Variants in MID1 observed in about 807,000 individuals in gnomAD.
The protein encoded by MID1 is E3 ubiquitin-protein ligase Midline-1.
A neutral mutation model predicts 40.4 loss-of-function variants in MID1; 7 were observed. The ratio of observed to expected loss-of-function variants is 0.17; its 90% CI spans 0.10 to 0.33. The LOEUF is 0.33. Among genes scored for constraint, MID1 ranks in the 10% least tolerant of loss-of-function variants. The pLI is 1.00. For missense variants in MID1, 367 were observed against 558.5 expected, an observed-to-expected ratio of 0.66 and a Z score of 3.46; for synonymous variants, 229 against 221.2, an observed-to-expected ratio of 1.04 and a Z score of -0.31.
intron 1 of MID1, among the ~76,000 whole-genome samples, chrX:10,782,950 T>C (rs1201345488): frequency 9.0e-6 from 1 of 111,565 alleles, no homozygotes; most frequent in African/African-American, 3.3e-5. Flanking sequence ...TGCCAGCACT[T>C]GGTGTTTTAA....
At chrX:10,487,944 A>G (rs974934906) in intron 4 of MID1, among the ~76,000 whole-genome samples, 1 of 106,137 alleles carries the variant, frequency 9.4e-6, no homozygotes. Context: ...GTTTGGGGCT[A>G]TTACAAGTAA....
chrX:10,729,635 C>T (rs1216663270), intron 1 of MID1, among the ~76,000 whole-genome samples: 1 of 112,084 alleles, frequency 8.9e-6, no homozygotes, highest in East Asian at 2.8e-4. Context: ...AACCACTCAA[C>T]TGGTCATTTT....
intron 1 of MID1, among the ~76,000 whole-genome samples, chrX:10,659,305 A>G (rs766343092): frequency 8.0e-5 from 9 of 111,806 alleles, no homozygotes; most frequent in African/African-American, 1.6e-4. Context: ...TCAGGTGCAC[A>G]GATTCAGAGT....
intron 1 of MID1, among the ~76,000 whole-genome samples, chrX:10,613,845 A>G (rs545347804): frequency 9.5e-6 from 1 of 104,862 alleles, no homozygotes; most frequent in South Asian, 4.4e-4. Context: ...CCATATACAT[A>G]TAGTTCAGTA....
intron 3 of MID1, among the ~76,000 whole-genome samples, chrX:10,521,857 T>G (rs1314603803): frequency 8.9e-6 from 1 of 112,354 alleles, no homozygotes; most frequent in African/African-American, 3.2e-5. Flanking sequence ...TTTTCTTTTT[T>G]GAGACAAGGT....
At chrX:10,748,176 G>C (rs2043573039) in intron 1 of MID1, among the ~76,000 whole-genome samples, 1 of 110,679 alleles carries the variant, frequency 9.0e-6, no homozygotes, top group African/African-American at 3.3e-5. Flanking sequence ...ATTGTCCCTG[G>C]GGCCTCCCTC....
At chrX:10,746,235 C>T (rs142206481) in intron 1 of MID1, among the ~76,000 whole-genome samples, 308 of 111,670 alleles carry the variant, frequency 2.8e-3, no homozygotes, top group African/African-American at 9.4e-3. Context: ...GATGTATTGA[C>T]GTAGCAGCCT....
intron 1 of MID1, among the ~76,000 whole-genome samples, chrX:10,667,012 G>A (rs2042955150): frequency 9.0e-6 from 1 of 111,686 alleles, no homozygotes; most frequent in South Asian, 3.8e-4. Flanking sequence ...CACAGGTTTG[G>A]AATGGTTTAC....
At chrX:10,464,402 AT>A (rs1228359205) in intron 7 of MID1, among the ~76,000 whole-genome samples, 4 of 111,456 alleles carry the variant, frequency 3.6e-5, no homozygotes, top group Middle Eastern at 4.7e-3. Context: ...TCTTCCTTTC[AT>A]TTTGGGGATG....
rs775027171 is a variant in MID1 at position 10,797,246 on chromosome X, T to A, written c.-187+36308A>T. Among the ~76,000 whole-genome samples the A allele has an allele frequency of 5.4e-5, 6 of 111,654 alleles. No homozygotes were observed. In the South Asian group the frequency reaches 2.3e-3, roughly 42 times the overall value. ...TCAAAAGCTAATTATTTAAAAAGTA[T>A]GGGGATAAAAGTCATATTTAGAGCG... On this transcript the variant is annotated intron_variant, in intron 1 of 10. Coordinates refer to the MID1 transcript ENST00000380785.
At chrX:10,714,343 C>T (rs750445422) in intron 1 of MID1, among the ~76,000 whole-genome samples, 6 of 112,206 alleles carry the variant, frequency 5.3e-5, no homozygotes, top group African/African-American at 9.7e-5. Context: ...CAGCTTAGAG[C>T]GAAGCCTGGG....
At chrX:10,657,211 A>C (rs1261376417) in intron 1 of MID1, among the ~76,000 whole-genome samples, 1 of 111,116 alleles carries the variant, frequency 9.0e-6, no homozygotes, top group Non-Finnish European at 1.9e-5. Context: ...AATAAGATTA[A>C]GCTTCAGTGC....
At chrX:10,568,872 C>G (rs892611243) in intron 1 of MID1, among the ~76,000 whole-genome samples, 3 of 111,849 alleles carry the variant, frequency 2.7e-5, no homozygotes, top group African/African-American at 9.8e-5. Context: ...CTTTCAAGAC[C>G]ATTAGCAGAG....
At chrX:10,744,970 C>G in intron 1 of MID1, among the ~76,000 whole-genome samples, 1 of 112,479 alleles carries the variant, frequency 8.9e-6, no homozygotes, top group African/African-American at 3.2e-5. Flanking sequence ...AGGGGAAACA[C>G]TTTTTTCCCA....
chrX:10,486,573 G>A (rs1930628646), intron 4 of MID1, among the ~76,000 whole-genome samples: 1 of 111,813 alleles, frequency 8.9e-6, no homozygotes, highest in Non-Finnish European at 1.9e-5. Context: ...TTGAGTCACT[G>A]TGAGTTTCAG....
At chrX:10,575,152 G>A (rs946075660) in intron 1 of MID1, among the ~76,000 whole-genome samples, 1 of 112,331 alleles carries the variant, frequency 8.9e-6, no homozygotes, top group Non-Finnish European at 1.9e-5. Context: ...TTGATTGTCC[G>A]CTCCTCTTAA....
chrX:10,521,756 G>A (rs1180847015), intron 3 of MID1, among the ~76,000 whole-genome samples: 1 of 112,489 alleles, frequency 8.9e-6, no homozygotes, highest in Non-Finnish European at 1.9e-5. Context: ...TACACCTGCA[G>A]TGCATTAAAC....
chrX:10,829,932 C>T (rs1174948612), intron 1 of MID1, among the ~76,000 whole-genome samples: 1 of 111,965 alleles, frequency 8.9e-6, no homozygotes, highest in Non-Finnish European at 1.9e-5. Context: ...CTCAAGTTAC[C>T]TAGTACTATG....
At chrX:10,658,771 T>C (rs2042892975) in intron 1 of MID1, among the ~76,000 whole-genome samples, 2 of 110,973 alleles carry the variant, frequency 1.8e-5, no homozygotes, top group Non-Finnish European at 3.8e-5. Flanking sequence ...TCCAGTGGGG[T>C]CTTATTCAGA....
Sources: allele counts gnomAD v4.1 joint callset (sites outside exome capture counted in the v4.1 genomes callset), GRCh38; gene constraint gnomAD v4.1.1; transcripts MANE v1.5; gene names NCBI Gene and HGNC (gene_info 2026-07-23, HGNC 2026-07-21).